Variants in LIN52 observed in about 807,000 individuals in gnomAD.
LIN52 encodes protein lin-52 homolog.
LIN52 carries 4 observed loss-of-function variants against 18.5 expected under a neutral mutation model. The ratio of observed to expected loss-of-function variants is 0.22; its 90% CI spans 0.11 to 0.49. LIN52 has a LOEUF of 0.49. Ranked by LOEUF, LIN52 falls within the 20% of genes least tolerant of loss-of-function variation. The pLI, the probability that LIN52 is intolerant of heterozygous loss-of-function variation, is 0.97. For missense variants in LIN52, 102 were observed against 139.5 expected (o/e 0.73, Z 1.35); for synonymous variants, 34 against 45.5 (o/e 0.75, Z 1.02).
rs576151238 is a variant in LIN52, at chr14:74,128,481, C to T, written c.283+27243C>T. Among the ~76,000 whole-genome samples the T allele has an allele frequency of 3.9e-5, 6 of 152,280 alleles. No homozygotes were observed. In the South Asian group the frequency reaches 1.2e-3, roughly 32 times the overall value. ...GGCACCACTGGGCCAGTAATAGTGC[C>T]TACTCCCACTGGACTGGAGAAACCT... On this transcript the variant is annotated intron_variant, in intron 5 of 5. Coordinates refer to ENST00000555028, the MANE Select transcript of LIN52 (RefSeq NM_001024674.3).
At chr14:74,195,373 G>A (rs927616141) in intron 5 of LIN52, among the ~76,000 whole-genome samples, 3 of 152,122 alleles carry the variant, frequency 2.0e-5, no homozygotes, top group Admixed American at 2.0e-4. Context: ...GAAGAAGAAG[G>A]GACAGAACCA....
intron 5 of LIN52, among the ~76,000 whole-genome samples, chr14:74,102,148 A>G (rs914603488): frequency 6.6e-6 from 1 of 152,058 alleles, no homozygotes; most frequent in Non-Finnish European, 1.5e-5. Flanking sequence ...GAGGCTGAGG[A>G]TGGAGAATCA....
intron 5 of LIN52, among the ~76,000 whole-genome samples, chr14:74,192,354 C>T (rs539564497): frequency 5.9e-5 from 9 of 152,260 alleles, no homozygotes; most frequent in South Asian, 2.1e-4. Flanking sequence ...CGCATGATCT[C>T]GGCTCACTGC....
At chr14:74,152,375 A>G (rs2061180353) in intron 5 of LIN52, among the ~76,000 whole-genome samples, 1 of 152,036 alleles carries the variant, frequency 6.6e-6, no homozygotes, top group Non-Finnish European at 1.5e-5. Flanking sequence ...GCCTATAGTC[A>G]TCAGGTGCTT....
chr14:74,089,948 C>A (rs1431840277), intron 1 of LIN52, among the ~76,000 whole-genome samples: 1 of 151,944 alleles, frequency 6.6e-6, no homozygotes, highest in Non-Finnish European at 1.5e-5. Flanking sequence ...GGGCTCCAGC[C>A]CCACGGTAGC....
intron 5 of LIN52, among the ~76,000 whole-genome samples, chr14:74,120,290 C>T (rs1263731025): frequency 6.6e-6 from 1 of 151,964 alleles, no homozygotes; most frequent in Non-Finnish European, 1.5e-5. Flanking sequence ...AGAGTTTTTT[C>T]CCCCAACTTT....
intron 5 of LIN52, among the ~76,000 whole-genome samples, chr14:74,144,688 A>T (rs2061146751): frequency 1.3e-5 from 2 of 152,204 alleles, no homozygotes; most frequent in African/African-American, 4.8e-5. Flanking sequence ...AGTTTGTGAT[A>T]ACTCATAGTG....
intron 5 of LIN52, among the ~76,000 whole-genome samples, chr14:74,158,158 A>G (rs1339851096): frequency 6.8e-6 from 1 of 148,126 alleles, no homozygotes; most frequent in Non-Finnish European, 1.5e-5. Flanking sequence ...TCTGTTGCCC[A>G]GGCTAGAGCA....
rs753740853 is a variant in LIN52 at position 74,091,306 on chromosome 14, T to C, written c.94T>C (p.Leu32=). The C allele has an allele frequency of 1.0e-5, 16 of 1,602,738 alleles. No individual in the cohort carries two copies. In the East Asian group the frequency reaches 3.1e-4, roughly 32 times the overall value. Residue 32 remains leucine, a splice_region_variant and synonymous_variant, in exon 2 of 6, where the codon TTA becomes CTA. Coordinates refer to ENST00000555028, the MANE Select transcript of LIN52 (RefSeq NM_001024674.3). ...CTCACCAGATCTTTGGCCAGAACAA[T>C]GTAAGTTTTTGCCTTCTTTATATCA... The part of the protein sequence containing the change: ...RASPDLWPEQ[L]PGVAEFAASF...
At chr14:74,131,950 A>G (rs1250818598) in intron 5 of LIN52, among the ~76,000 whole-genome samples, 3 of 152,352 alleles carry the variant, frequency 2.0e-5, no homozygotes, top group Admixed American at 6.5e-5. Context: ...AGATGCAGAA[A>G]CAGAGGGCTA....
intron 2 of LIN52, among the ~76,000 whole-genome samples, chr14:74,094,458 T>A (rs2060794419): frequency 6.6e-6 from 1 of 152,056 alleles, no homozygotes. Context: ...AAGATCTCAC[T>A]GTGTTGCCCA....
chr14:74,139,668 A>G lies in LIN52; in HGVS notation c.283+38430A>G, dbSNP rs142730838. 3.4e-3 allele frequency among the ~76,000 whole-genome samples: 521 copies of G among 152,328 alleles called. 4 individuals are homozygous for G. The highest frequency in any genetic ancestry group is 1.0e-2 in the African/African-American group (414 of 41,588). ...TTAAAATTGCTGAGCAGAACCTGCT[A>G]TAGATATTTCCAGTATGGAGAAGAG... On this transcript the variant is annotated intron_variant, in intron 5 of 5. Coordinates refer to ENST00000555028, the MANE Select transcript of LIN52 (RefSeq NM_001024674.3).
chr14:74,160,265 T>C (rs1342463529), intron 5 of LIN52, among the ~76,000 whole-genome samples: 1 of 152,182 alleles, frequency 6.6e-6, no homozygotes, highest in African/African-American at 2.4e-5. Context: ...GAGAGAGGCC[T>C]GGAACAGAGC....
Position 74,199,163 on chromosome 14 carries a change from C to G in LIN52, c.*186C>G, listed in dbSNP as rs1005932382. ...TTCAGCAGCAAGAGAAGAATCTGCT[C>G]TACCCAAGGATCATTGCAGTTACTC... On this transcript the variant is annotated 3_prime_UTR_variant, in exon 6 of 6. Transcript: ENST00000555028. 3.7e-6 allele frequency: 2 copies of G among 534,426 alleles called. No homozygotes were observed. Among genetic ancestry groups the G allele is most frequent in the African/African-American group, 3.8e-5 (2 of 52,216 alleles). 33.1% of individuals were successfully genotyped at this position (534,426 alleles called of 1,614,324 possible). A position where few individuals can be genotyped will look rare whatever the true frequency, so the allele number is the denominator to read the frequency against.
intron 1 of LIN52, among the ~76,000 whole-genome samples, chr14:74,090,167 T>C (rs1242765209): frequency 6.6e-6 from 1 of 151,782 alleles, no homozygotes; most frequent in Non-Finnish European, 1.5e-5. Context: ...TACAGGTGTG[T>C]TCCCCCATGC....
chr14:74,091,794 A>G (rs2060774064), intron 2 of LIN52, among the ~76,000 whole-genome samples: 1 of 151,612 alleles, frequency 6.6e-6, no homozygotes, highest in South Asian at 2.1e-4. Flanking sequence ...AAAAAAAAAA[A>G]AAAGTTCTGA....
intron 1 of LIN52, among the ~76,000 whole-genome samples, chr14:74,090,509 G>A (rs2060766645): frequency 1.3e-5 from 2 of 151,120 alleles, no homozygotes; most frequent in Middle Eastern, 3.4e-3. Flanking sequence ...CTAATTTTTT[G>A]TATTTTTAGT....
At chr14:74,119,451 G>A (rs974425626) in intron 5 of LIN52, among the ~76,000 whole-genome samples, 15 of 151,846 alleles carry the variant, frequency 9.9e-5, no homozygotes, top group Non-Finnish European at 1.9e-4. Context: ...GGCATGAGCC[G>A]CCGCACCTGG....
At chr14:74,181,634 TGTAGAGTTTCA>T (rs1338610808) in intron 5 of LIN52, among the ~76,000 whole-genome samples, 1 of 117,688 alleles carries the variant, frequency 8.5e-6, no homozygotes, top group Non-Finnish European at 1.9e-5. Flanking sequence ...CAGGTTAAGC[TGTAGAGTTTCA>T]GTGATACAGA....
Sources: gnomAD v4.1 joint callset for allele counts (sites outside exome capture counted in the v4.1 genomes callset) on GRCh38, gnomAD v4.1.1 for gene constraint, MANE v1.5 for transcripts, NCBI Gene and HGNC (gene_info 2026-07-23, HGNC 2026-07-21) for gene names.